Variants in CHCHD6 observed in about 807,000 individuals in gnomAD.
CHCHD6 encodes MICOS complex subunit MIC25.
CHCHD6 carries 28 observed loss-of-function variants against 32.3 expected under a neutral mutation model. The observed-to-expected ratio is 0.87, with a 90% CI of 0.64 to 1.19. CHCHD6 has a LOEUF of 1.19. CHCHD6 is among the 50% of genes most tolerant of loss of function. CHCHD6 has a pLI of 0.00. For missense variants in CHCHD6, 333 were observed against 307.0 expected, an observed-to-expected ratio of 1.08 and a Z score of -0.63; for synonymous variants, 122 against 117.5, an observed-to-expected ratio of 1.04 and a Z score of -0.25.
chr3:126,905,531 G>T (rs1167776792), intron 5 of CHCHD6, among the ~76,000 whole-genome samples: 2 of 93,708 alleles, frequency 2.1e-5, no homozygotes, highest in East Asian at 2.2e-4. Flanking sequence ...GATCTCACAG[G>T]GGGTGTCTTG....
chr3:126,766,877 G>C (rs1559831469), intron 4 of CHCHD6: 5 of 968,852 alleles, frequency 5.2e-6, no homozygotes, highest in Non-Finnish European at 6.8e-6. Context: ...TTCACCAGGT[G>C]GGGGACCATC....
intron 5 of CHCHD6, among the ~76,000 whole-genome samples, chr3:126,907,053 TC>T (rs1318123060): frequency 1.3e-5 from 2 of 152,156 alleles, no homozygotes; most frequent in African/African-American, 2.4e-5. Context: ...CTGTTGTCTC[TC>T]AGGTGGAAAC....
intron 4 of CHCHD6, among the ~76,000 whole-genome samples, chr3:126,782,397 T>C (rs887280355): frequency 6.6e-6 from 1 of 152,228 alleles, no homozygotes; most frequent in Non-Finnish European, 1.5e-5. Context: ...TTACATTTCA[T>C]TGACGGTTGA....
intron 5 of CHCHD6, 66 bp from the exon 6 acceptor site, chr3:126,914,614 G>T (rs1168775110): frequency 1.2e-6 from 1 of 861,628 alleles, no homozygotes; most frequent in Non-Finnish European, 2.0e-6. Flanking sequence ...TAATGTGGTT[G>T]CATCCCATTA....
chr3:126,795,797 C>A (rs528806692), intron 4 of CHCHD6, among the ~76,000 whole-genome samples: 1 of 152,228 alleles, frequency 6.6e-6, no homozygotes, highest in African/African-American at 2.4e-5. Context: ...CCTTCAGTCC[C>A]CTCTTTTCCA....
At chr3:126,795,990 G>A (rs933777295) in intron 4 of CHCHD6, among the ~76,000 whole-genome samples, 10 of 152,164 alleles carry the variant, frequency 6.6e-5, no homozygotes, top group South Asian at 2.1e-4. Context: ...TGCAGAAAGG[G>A]TGGTGACTTG....
intron 4 of CHCHD6, among the ~76,000 whole-genome samples, chr3:126,779,491 C>T (rs559190749): frequency 2.8e-5 from 4 of 144,880 alleles, no homozygotes; most frequent in East Asian, 2.0e-4. Flanking sequence ...AAGCCGAGAT[C>T]GCTCCACTGC....
At chr3:126,931,411 G>A (rs72982808) in intron 6 of CHCHD6, among the ~76,000 whole-genome samples, 4,703 of 152,254 alleles carry the variant, frequency 0.031, 164 homozygotes, top group East Asian at 0.15. Flanking sequence ...CTGCAGAGCC[G>A]ACCCAGCCTC....
At chr3:126,792,226 T>TTC (rs1938580074) in intron 4 of CHCHD6, among the ~76,000 whole-genome samples, 1 of 147,094 alleles carries the variant, frequency 6.8e-6, no homozygotes, top group Non-Finnish European at 1.5e-5. Context: ...AATATATACT[T>TTC]AGAATATATA....
At chr3:126,862,408 T>TCAC (rs1941952217) in intron 5 of CHCHD6, among the ~76,000 whole-genome samples, 4 of 97,150 alleles carry the variant, frequency 4.1e-5, no homozygotes, top group Middle Eastern at 6.5e-3. Context: ...CATCACCACC[T>TCAC]CCTCCTCCAC....
At chr3:126,863,834 C>CCACCTCCTCCTCCACCATCAA (rs1942091232) in intron 5 of CHCHD6, among the ~76,000 whole-genome samples, 1 of 147,794 alleles carries the variant, frequency 6.8e-6, no homozygotes, top group Non-Finnish European at 1.5e-5. Context: ...TCTACCATCA[C>CCACCTCCTCCTCCACCATCAA]CACCTCCTCC....
chr3:126,826,012 C>T (rs982954220), intron 4 of CHCHD6, among the ~76,000 whole-genome samples: 11 of 152,170 alleles, frequency 7.2e-5, no homozygotes, highest in African/African-American at 2.4e-4. Context: ...CAGGATGTCT[C>T]CTTTCATAAT....
intron 4 of CHCHD6, among the ~76,000 whole-genome samples, chr3:126,819,696 G>C (rs1055105151): frequency 6.6e-6 from 1 of 152,166 alleles, no homozygotes; most frequent in African/African-American, 2.4e-5. Flanking sequence ...TGGCAAATAG[G>C]TCTCTAAATG....
chr3:126,712,331 G>A (rs1196950410), intron 1 of CHCHD6, among the ~76,000 whole-genome samples: 1 of 152,188 alleles, frequency 6.6e-6, no homozygotes, highest in Admixed American at 6.5e-5. Context: ...TAGTACAAGA[G>A]TTAAAAGTTA....
chr3:126,834,418 C>T (rs1940772094), intron 4 of CHCHD6, among the ~76,000 whole-genome samples: 2 of 151,944 alleles, frequency 1.3e-5, no homozygotes, highest in African/African-American at 2.4e-5. Context: ...GCCATAGAAA[C>T]CAGCTCTGGC....
intron 4 of CHCHD6, among the ~76,000 whole-genome samples, chr3:126,785,228 T>G (rs1237740093): frequency 6.6e-6 from 1 of 152,128 alleles, no homozygotes; most frequent in Non-Finnish European, 1.5e-5. Context: ...TGGCCTCTAC[T>G]CACTAGATGC....
intron 2 of CHCHD6, 30 bp from the exon 3 acceptor site, chr3:126,730,531 G>A (rs768286309): frequency 1.2e-6 from 2 of 1,605,582 alleles, no homozygotes; most frequent in East Asian, 4.5e-5. Flanking sequence ...GGGTGCCACT[G>A]ACAGGCCCTT....
chr3:126,845,307 G>C lies in CHCHD6; in HGVS notation c.412-7340G>C, dbSNP rs1011839592. ...GATGAGTCAATATATTTAGAATTCT[G>C]TGATCTCCTCTATTGACTATTTGTG... On this transcript the variant is annotated intron_variant, in intron 4 of 7. Transcript: ENST00000290913. Among the ~76,000 whole-genome samples the C allele has an allele frequency of 3.3e-5, 5 of 152,306 alleles. No homozygotes were observed. In the East Asian group the frequency reaches 9.6e-4, roughly 29 times the overall value.
chr3:126,855,475 G>T (rs964745417), intron 5 of CHCHD6, among the ~76,000 whole-genome samples: 3 of 152,162 alleles, frequency 2.0e-5, no homozygotes, highest in African/African-American at 7.2e-5. Flanking sequence ...CAGTACTGGG[G>T]GCTCTGTTTC....
Sources: gnomAD v4.1 joint callset for allele counts (sites outside exome capture counted in the v4.1 genomes callset) on GRCh38, gnomAD v4.1.1 for gene constraint, MANE v1.5 for transcripts, NCBI Gene and HGNC (gene_info 2026-07-23, HGNC 2026-07-21) for gene names.